The following OSBPL10 variants were observed in gnomAD, a reference collection of about 807,000 sequenced individuals.
OSBPL10 encodes the protein oxysterol-binding protein-related protein 10.
OSBPL10 carries 49 observed loss-of-function variants against 81.7 expected under a neutral mutation model. That is an observed-to-expected ratio of 0.60 (90% CI 0.48 to 0.76). The LOEUF (loss-of-function observed/expected upper bound fraction) is 0.76. OSBPL10 is among the 30% of genes least tolerant of loss of function. The probability of loss-of-function intolerance (pLI) is 0.00; values close to 1 mark genes in which losing one functional copy is unlikely to be tolerated. For missense variants in OSBPL10, 923 were observed against 987.8 expected (o/e 0.93, Z 0.88); for synonymous variants, 419 against 383.6 (o/e 1.09, Z -1.08).
intron 2 of OSBPL10, among the ~76,000 whole-genome samples, chr3:32,045,337 T>C (rs1247199980): frequency 6.6e-6 from 1 of 152,186 alleles, no homozygotes; most frequent in East Asian, 1.9e-4. Flanking sequence ...CTAATGTCTG[T>C]TGTGAAAGTA....
At chr3:31,861,086 T>C (rs1178328442) in intron 3 of OSBPL10, among the ~76,000 whole-genome samples, 1 of 152,142 alleles carries the variant, frequency 6.6e-6, no homozygotes, top group African/African-American at 2.4e-5. Context: ...AAATTGAAAA[T>C]TAAGCCAATA....
chr3:31,966,151 TTA>T (rs1164269213), intron 1 of OSBPL10, among the ~76,000 whole-genome samples: 1 of 104,462 alleles, frequency 9.6e-6, no homozygotes, highest in Non-Finnish European at 1.8e-5. Context: ...AACAACAAAA[TTA>T]TGTGTGTGTG....
At chr3:31,814,917 T>C (rs1036887228) in intron 4 of OSBPL10, among the ~76,000 whole-genome samples, 3 of 152,220 alleles carry the variant, frequency 2.0e-5, no homozygotes, top group Non-Finnish European at 2.9e-5. Flanking sequence ...CCTGAGGATA[T>C]GATATGCCCT....
chr3:31,957,014 G>A (rs1298460093), intron 1 of OSBPL10, among the ~76,000 whole-genome samples: 1 of 151,816 alleles, frequency 6.6e-6, no homozygotes, highest in Non-Finnish European at 1.5e-5. Context: ...ACACACCTGT[G>A]GTCCCAGCTA....
At chr3:31,805,115 T>C (rs1699489489) in intron 4 of OSBPL10, among the ~76,000 whole-genome samples, 1 of 152,250 alleles carries the variant, frequency 6.6e-6, no homozygotes, top group Non-Finnish European at 1.5e-5. Flanking sequence ...ACACTTTAAA[T>C]GAACTGGTAT....
chr3:31,975,609 C>A (rs761303420), intron 1 of OSBPL10, among the ~76,000 whole-genome samples: 2 of 152,068 alleles, frequency 1.3e-5, no homozygotes, highest in Admixed American at 1.3e-4. Context: ...AGGGTGGGCA[C>A]GTCACAGGAA....
intron 4 of OSBPL10, among the ~76,000 whole-genome samples, chr3:31,816,192 G>A (rs529001119): frequency 1.1e-4 from 16 of 152,316 alleles, no homozygotes; most frequent in South Asian, 6.2e-4. Flanking sequence ...GTAGGTCTAC[G>A]TGGAGGGATG....
intron 2 of OSBPL10, among the ~76,000 whole-genome samples, chr3:31,997,213 A>G (rs1699098159): frequency 6.6e-6 from 1 of 152,150 alleles, no homozygotes; most frequent in Non-Finnish European, 1.5e-5. Context: ...CAATGTCAAT[A>G]GGCAGTGTTT....
intron 1 of OSBPL10, among the ~76,000 whole-genome samples, chr3:31,963,894 C>T (rs1432587891): frequency 6.6e-6 from 1 of 152,040 alleles, no homozygotes; most frequent in Non-Finnish European, 1.5e-5. Flanking sequence ...CCACCTCAGC[C>T]TCCCGAGTAG....
intron 3 of OSBPL10, among the ~76,000 whole-genome samples, chr3:31,833,688 AACACGCACACGCAC>A (rs1396923165): frequency 5.1e-4 from 72 of 141,640 alleles, no homozygotes; most frequent in African/African-American, 2.0e-3. Context: ...TTGTAGGGAA[AACACGCACACGCAC>A]ACGCACACAC....
intron 1 of OSBPL10, among the ~76,000 whole-genome samples, chr3:31,933,678 G>A (rs576771839): frequency 1.3e-5 from 2 of 152,136 alleles, no homozygotes; most frequent in South Asian, 2.1e-4. Flanking sequence ...CCAAAGTGCC[G>A]GGATTACAGG....
intron 4 of OSBPL10, among the ~76,000 whole-genome samples, chr3:31,761,821 A>AAAAAAAAAAC (rs1553622723): frequency 0.026 from 3,520 of 138,006 alleles, 93 homozygotes; most frequent in Middle Eastern, 0.038. Flanking sequence ...TCTAAAAAAA[A>AAAAAAAAAAC]AAAAAAAAAA....
intron 4 of OSBPL10, 148 bp downstream of exon 4, chr3:31,829,892 G>A (rs755714888): frequency 8.7e-5 from 64 of 738,486 alleles, no homozygotes; most frequent in Non-Finnish European, 1.2e-4. Context: ...AAACCAGGAA[G>A]GACCGTCACA....
chr3:31,874,713 G>A (rs1052333029), intron 3 of OSBPL10, among the ~76,000 whole-genome samples: 10 of 152,134 alleles, frequency 6.6e-5, no homozygotes, highest in African/African-American at 9.7e-5. Flanking sequence ...AGTAACGCCC[G>A]TTAATGAGAG....
intron 7 of OSBPL10, among the ~76,000 whole-genome samples, chr3:31,696,622 A>G (rs894697114): frequency 5.3e-5 from 8 of 152,226 alleles, no homozygotes; most frequent in African/African-American, 1.4e-4. Flanking sequence ...TCTGACTTCT[A>G]TCTTACTTCA....
intron 7 of OSBPL10, among the ~76,000 whole-genome samples, chr3:31,693,234 C>A (rs1052218378): frequency 6.6e-6 from 1 of 152,102 alleles, no homozygotes; most frequent in Non-Finnish European, 1.5e-5. Context: ...GCCTTCTGAC[C>A]CTTTTCATTA....
At chr3:31,960,580 T>G (rs1698132335) in intron 1 of OSBPL10, among the ~76,000 whole-genome samples, 1 of 152,180 alleles carries the variant, frequency 6.6e-6, no homozygotes, top group Non-Finnish European at 1.5e-5. Flanking sequence ...CAAGCTAGTT[T>G]ACATAACACA....
intron 6 of OSBPL10, among the ~76,000 whole-genome samples, chr3:31,722,320 G>C (rs1575500385): frequency 6.6e-6 from 1 of 152,068 alleles, no homozygotes; most frequent in Middle Eastern, 3.2e-3. Context: ...GTTTATAAAG[G>C]CTTCTCATAA....
At chr3:31,792,664 GTGTGTGT>G (rs1384970200) in intron 4 of OSBPL10, among the ~76,000 whole-genome samples, 3 of 150,006 alleles carry the variant, frequency 2.0e-5, no homozygotes, top group African/African-American at 7.4e-5. Flanking sequence ...TGTGTGTGTG[GTGTGTGT>G]GTGACAGTTG....
Sources: allele counts gnomAD v4.1 joint callset (sites outside exome capture counted in the v4.1 genomes callset), GRCh38; gene constraint gnomAD v4.1.1; transcripts MANE v1.5; gene names NCBI Gene and HGNC (gene_info 2026-07-23, HGNC 2026-07-21).